CCDC30: variants seen among roughly 807,000 people sequenced by gnomAD.
CCDC30 encodes the protein coiled-coil domain-containing protein 30.
CCDC30 carries 70 observed loss-of-function variants against 100.2 expected under a neutral mutation model. The observed-to-expected ratio is 0.70, with a 90% CI of 0.58 to 0.85. The LOEUF (loss-of-function observed/expected upper bound fraction) is 0.85, where lower values mean the gene tolerates loss of function less well. Among genes scored for constraint, CCDC30 ranks in the 40% least tolerant of loss-of-function variants. The probability of loss-of-function intolerance (pLI) is 0.00; values close to 1 mark genes in which losing one functional copy is unlikely to be tolerated. For missense variants in CCDC30, 652 were observed against 771.2 expected, an observed-to-expected ratio of 0.85 and a Z score of 1.83; for synonymous variants, 233 against 269.5, an observed-to-expected ratio of 0.86 and a Z score of 1.33.
At chr1:42,642,351 A>G (rs1410457361) in intron 12 of CCDC30, 122 bp from the exon 17 acceptor site, 1 of 754,642 alleles carries the variant, frequency 1.3e-6, no homozygotes, top group East Asian at 2.9e-5. Flanking sequence ...GAAACAGACT[A>G]GGGGACAGGA....
At chr1:42,504,962 C>G (rs1315384136) in intron 6 of CCDC30, among the ~76,000 whole-genome samples, 1 of 152,134 alleles carries the variant, frequency 6.6e-6, no homozygotes, top group Non-Finnish European at 1.5e-5. Context: ...TCATGTTTAC[C>G]TCTTGTCAGT....
chr1:42,572,250 A>G (rs961960519), intron 7 of CCDC30, among the ~76,000 whole-genome samples: 9 of 152,186 alleles, frequency 5.9e-5, no homozygotes, highest in African/African-American at 2.2e-4. Flanking sequence ...TTTAGTGTGC[A>G]TTTGCCTGTT....
intron 5 of CCDC30, among the ~76,000 whole-genome samples, chr1:42,497,922 G>T (rs72952293): frequency 0.014 from 2,198 of 152,216 alleles, 52 homozygotes; most frequent in African/African-American, 0.051. Context: ...TCCACTTCTG[G>T]ATATATGCCC....
chr1:42,531,872 A>G (rs1350515306), intron 6 of CCDC30, among the ~76,000 whole-genome samples: 2 of 152,232 alleles, frequency 1.3e-5, no homozygotes, highest in Non-Finnish European at 1.5e-5. Flanking sequence ...GGGGTTTGAC[A>G]TAACTTATTT....
chr1:42,624,506 G>A (rs1417384237), intron 11 of CCDC30, among the ~76,000 whole-genome samples: 1 of 152,090 alleles, frequency 6.6e-6, no homozygotes, highest in Admixed American at 6.6e-5. Flanking sequence ...TTGAGACAGG[G>A]TCTCACCCTG....
chr1:42,546,795 C>A (rs1366528158), intron 6 of CCDC30, among the ~76,000 whole-genome samples: 1 of 152,042 alleles, frequency 6.6e-6, no homozygotes, highest in East Asian at 1.9e-4. Context: ...GTATCTTTCA[C>A]AGAAACGTGA....
exon 8 of CCDC30, chr1:42,577,064 C>A: frequency 6.2e-7 from 1 of 1,614,034 alleles, no homozygotes; most frequent in African/African-American, 1.3e-5. Flanking sequence ...TATTAGACAG[C>A]ACAAAGATGT....
At chr1:42,527,886 A>G (rs760352951) in intron 6 of CCDC30, among the ~76,000 whole-genome samples, 1 of 150,592 alleles carries the variant, frequency 6.6e-6, no homozygotes, top group Non-Finnish European at 1.5e-5. Flanking sequence ...TTTTTTTGAA[A>G]CCGAGTTTTG....
intron 6 of CCDC30, among the ~76,000 whole-genome samples, chr1:42,541,384 T>G (rs536074980): frequency 1.3e-5 from 2 of 152,222 alleles, no homozygotes; most frequent in African/African-American, 4.8e-5. Context: ...TTTCAACATA[T>G]GAACTTTGAG....
chr1:42,477,426 C>T (rs1643896125), intron 1 of CCDC30, among the ~76,000 whole-genome samples: 1 of 152,094 alleles, frequency 6.6e-6, no homozygotes, highest in South Asian at 2.1e-4. Flanking sequence ...GACGGGGTTT[C>T]ACCATTTTGG....
At chr1:42,587,272 T>C (rs1376313913) in intron 9 of CCDC30, among the ~76,000 whole-genome samples, 9 of 152,210 alleles carry the variant, frequency 5.9e-5, no homozygotes, top group African/African-American at 2.2e-4. Flanking sequence ...GCTAGGATTA[T>C]AGGTGTGAGC....
At chr1:42,638,754 T>C (rs986536906) in intron 12 of CCDC30, among the ~76,000 whole-genome samples, 1 of 152,058 alleles carries the variant, frequency 6.6e-6, no homozygotes, top group Non-Finnish European at 1.5e-5. Context: ...CACATGCCTG[T>C]AATTCCAGCT....
chr1:42,569,874 G>A (rs978528143), intron 7 of CCDC30, among the ~76,000 whole-genome samples: 1 of 152,192 alleles, frequency 6.6e-6, no homozygotes, highest in Non-Finnish European at 1.5e-5. Flanking sequence ...ACTAAAACAG[G>A]AACAGAAAAC....
intron 7 of CCDC30, chr1:42,571,343 A>G (rs1212392086): frequency 1.3e-5 from 2 of 151,950 alleles, no homozygotes; most frequent in East Asian, 1.9e-4. Flanking sequence ...TACTTTTTTC[A>G]TAGTAAGATT....
Position 42,538,149 on chromosome 1 carries a change from C to CAAAA in CCDC30, c.457-28119_457-28116dup, listed in dbSNP as rs776412637. 5.2e-3 allele frequency among the ~76,000 whole-genome samples: 427 copies of CAAAA among 82,308 alleles called. 19 individuals carry two copies. Among genetic ancestry groups the CAAAA allele is most frequent in the East Asian group, 0.013 (27 of 2,012 alleles). 54.0% of individuals were successfully genotyped at this position (82,308 alleles called of 152,430 possible). ...GCAACATAGTGGGACACTGTCTCCA[C>CAAAA]AAAAAAAAAAAAAAAAAAAAAAAAA... On this transcript the variant is annotated intron_variant, in intron 6 of 16. Transcript: ENST00000668663.
At chr1:42,585,099 C>CCTTG (rs1646042434) in intron 9 of CCDC30, among the ~76,000 whole-genome samples, 1 of 152,128 alleles carries the variant, frequency 6.6e-6, no homozygotes, top group African/African-American at 2.4e-5. Context: ...TTATCTATTT[C>CCTTG]TCCTTGTGTG....
At chr1:42,466,031 A>T (rs926657839) in intron 1 of CCDC30, among the ~76,000 whole-genome samples, 1 of 152,240 alleles carries the variant, frequency 6.6e-6, no homozygotes, top group African/African-American at 2.4e-5. Context: ...TGAAAAAAGT[A>T]TACTAATTTT....
intron 6 of CCDC30, among the ~76,000 whole-genome samples, chr1:42,525,671 C>G (rs975183426): frequency 6.6e-6 from 1 of 152,080 alleles, no homozygotes; most frequent in Non-Finnish European, 1.5e-5. Context: ...TATTGTCTTG[C>G]TTAAATAATA....
chr1:42,467,537 T>C (rs1215873795), intron 1 of CCDC30, among the ~76,000 whole-genome samples: 2 of 152,216 alleles, frequency 1.3e-5, no homozygotes, highest in Admixed American at 1.3e-4. Context: ...ATTTTAACTA[T>C]GAAATAGAGA....
Sources: gnomAD v4.1 joint callset for allele counts (sites outside exome capture counted in the v4.1 genomes callset) on GRCh38, gnomAD v4.1.1 for gene constraint, MANE v1.5 for transcripts, NCBI Gene and HGNC (gene_info 2026-07-23, HGNC 2026-07-21) for gene names.